PPP3CC: variants seen among roughly 807,000 people sequenced by gnomAD.
PPP3CC encodes protein phosphatase 3 catalytic subunit gamma, also known as serine/threonine-protein phosphatase 2B catalytic subunit gamma isoform.
Under a neutral mutation model 60.3 loss-of-function variants are expected in PPP3CC, and 35 were observed. The ratio of observed to expected loss-of-function variants is 0.58; its 90% confidence interval spans 0.44 to 0.77. The LOEUF is 0.77. Among genes scored for constraint, PPP3CC ranks in the 30% least tolerant of loss-of-function variants. The pLI, the probability that PPP3CC is intolerant of heterozygous loss-of-function variation, is 0.00. For synonymous variants in PPP3CC, 206 were observed against 224.3 expected (o/e 0.92, Z 0.73); for missense variants, 570 against 628.9 (o/e 0.91, Z 1.00).
chr8:22,532,481 A>G (rs1839742839), intron 11 of PPP3CC, among the ~76,000 whole-genome samples, 175 bp downstream of exon 11: 1 of 152,210 alleles, frequency 6.6e-6, no homozygotes, highest in African/African-American at 2.4e-5. Flanking sequence ...GCAAACATTG[A>G]TTTGTTAGTA....
chr8:22,504,527 T>C (rs1193848574), intron 4 of PPP3CC, among the ~76,000 whole-genome samples: 3 of 152,198 alleles, frequency 2.0e-5, no homozygotes, highest in African/African-American at 7.2e-5. Flanking sequence ...GAACTTGAAC[T>C]CCCCAAAGGA....
intron 1 of PPP3CC, among the ~76,000 whole-genome samples, chr8:22,448,381 GTTTTTTTT>G (rs34309415): frequency 7.4e-6 from 1 of 135,126 alleles, no homozygotes; most frequent in Non-Finnish European, 1.6e-5. Context: ...CCTTTTTTTT[GTTTTTTTT>G]TTTTTTTGAG....
At chr8:22,502,699 G>A (rs2469755) in intron 4 of PPP3CC, among the ~76,000 whole-genome samples, 70,891 of 151,754 alleles carry the variant, frequency 0.47, 16,597 homozygotes, top group East Asian at 0.6. Flanking sequence ...CAAAAGACAG[G>A]CAGACCAAGG....
chr8:22,443,277 C>T (rs1836728629), intron 1 of PPP3CC, among the ~76,000 whole-genome samples: 1 of 152,108 alleles, frequency 6.6e-6, no homozygotes, highest in Non-Finnish European at 1.5e-5. Flanking sequence ...AACCCCAGCA[C>T]TTTGGAAGGC....
At chr8:22,492,822 G>T in intron 3 of PPP3CC, 2 of 993,520 alleles carry the variant, frequency 2.0e-6, no homozygotes, top group Non-Finnish European at 3.2e-6. Context: ...ACAAACCAAG[G>T]AACAGTGATC....
chr8:22,481,192 G>A (rs1398429134), intron 3 of PPP3CC, among the ~76,000 whole-genome samples: 4 of 152,048 alleles, frequency 2.6e-5, no homozygotes, highest in Admixed American at 6.5e-5. Context: ...AAAGTTAGCC[G>A]GGCGTGGTGG....
chr8:22,467,437 T>C (rs1837576132), intron 1 of PPP3CC, among the ~76,000 whole-genome samples: 1 of 152,030 alleles, frequency 6.6e-6, no homozygotes. Context: ...TCAAGATGTG[T>C]TTTTTGTTTG....
chr8:22,540,145 C>A lies in PPP3CC; in HGVS notation c.1352-470C>A, dbSNP rs558807710. Among the ~76,000 whole-genome samples, 33 of 152,282 alleles carry A rather than the reference C, an allele frequency of 2.2e-4. 2 individuals are homozygous for A. Among genetic ancestry groups the A allele is most frequent in the African/African-American group, 7.9e-4 (33 of 41,548 alleles). ...GCTCCTGGTTGTGCAAGATAGAAAG[C>A]TGTCCTAAACGAAAAGATTAGCTCT... On this transcript the variant is annotated intron_variant, in intron 13 of 13. Transcript: ENST00000240139.
chr8:22,535,620 C>G (rs886090632), intron 12 of PPP3CC, among the ~76,000 whole-genome samples: 1 of 152,164 alleles, frequency 6.6e-6, no homozygotes, highest in African/African-American at 2.4e-5. Flanking sequence ...CTCAGCTACT[C>G]GAGTGGCTGG....
chr8:22,488,720 C>G (rs1838296133), intron 3 of PPP3CC, among the ~76,000 whole-genome samples: 1 of 152,174 alleles, frequency 6.6e-6, no homozygotes. Context: ...ACAGGAGCAG[C>G]TAACTTAGAT....
chr8:22,501,256 A>G (rs1196194234), intron 4 of PPP3CC, among the ~76,000 whole-genome samples: 1 of 152,216 alleles, frequency 6.6e-6, no homozygotes, highest in Non-Finnish European at 1.5e-5. Flanking sequence ...TGATCTAGCA[A>G]TTTCATTTGT....
Position 22,513,346 on chromosome 8 carries a change from G to A in PPP3CC, c.684G>A (p.Trp228Ter). 1 of 1,613,836 alleles carries A rather than the reference G, an allele frequency of 6.2e-7. No homozygotes were observed. The highest frequency in any genetic ancestry group is 8.5e-7 in the Non-Finnish European group (1 of 1,179,910). The change falls in exon 6 of 14, where the codon TGG becomes TGA. Residue 228 changes from tryptophan (W) to a stop codon, truncating the protein, a stop_gained. Transcript: ENST00000240139. LOFTEE classifies it high-confidence loss of function. ...PAFGPVCDLLWSDPSEDYGNE... is the reference protein window; with the variant it reads ...PAFGPVCDLL The stretch of plus-strand genomic sequence containing the variant: ...TTGGACCTGTGTGTGACCTGCTTTG[G>A]TCTGATCCCTCAGAGGATTATGGCA...
At chr8:22,478,255 CA>C (rs1361390590) in intron 3 of PPP3CC, among the ~76,000 whole-genome samples, 1 of 151,470 alleles carries the variant, frequency 6.6e-6, no homozygotes, top group Admixed American at 6.6e-5. Flanking sequence ...GGGTTTTAAG[CA>C]GTTCTCTGCC....
At chr8:22,455,582 T>C (rs1459693857) in intron 1 of PPP3CC, among the ~76,000 whole-genome samples, 1 of 152,242 alleles carries the variant, frequency 6.6e-6, no homozygotes, top group Admixed American at 6.5e-5. Flanking sequence ...GGCTTCTCCA[T>C]GGAAGCAAGT....
intron 3 of PPP3CC, among the ~76,000 whole-genome samples, chr8:22,483,693 AC>A (rs1838139825): frequency 6.6e-6 from 1 of 152,196 alleles, no homozygotes; most frequent in Admixed American, 6.5e-5. Context: ...ACCATTAATG[AC>A]ATGCTTGGAC....
intron 3 of PPP3CC, among the ~76,000 whole-genome samples, chr8:22,476,153 T>G (rs1837881652): frequency 6.6e-6 from 1 of 152,200 alleles, no homozygotes; most frequent in Admixed American, 6.5e-5. Context: ...TTATATATTT[T>G]GAAAATGGAA....
intron 3 of PPP3CC, among the ~76,000 whole-genome samples, chr8:22,485,869 TGGA>T (rs1838208231): frequency 6.6e-6 from 1 of 152,238 alleles, no homozygotes; most frequent in South Asian, 2.1e-4. Flanking sequence ...AGTAAGGTTC[TGGA>T]GAGCTTGCCA....
At chr8:22,489,727 TTA>T (rs1207559187) in intron 3 of PPP3CC, among the ~76,000 whole-genome samples, 12 of 79,716 alleles carry the variant, frequency 1.5e-4, no homozygotes, top group South Asian at 5.2e-4. Flanking sequence ...ATATTATATA[TTA>T]TATATATAAT....
At chr8:22,480,117 C>A (rs147036501) in intron 3 of PPP3CC, among the ~76,000 whole-genome samples, 287 of 152,110 alleles carry the variant, frequency 1.9e-3, no homozygotes, top group African/African-American at 6.5e-3. Context: ...TTTTTAGAGA[C>A]AAAACAGTAA....
Sources: gnomAD v4.1 joint callset for allele counts (sites outside exome capture counted in the v4.1 genomes callset) on GRCh38, gnomAD v4.1.1 for gene constraint, MANE v1.5 for transcripts, NCBI Gene and HGNC (gene_info 2026-07-23, HGNC 2026-07-21) for gene names.